The following RASSF1 variants were observed in gnomAD, a reference collection of about 807,000 sequenced individuals.
The protein encoded by RASSF1 is ras association domain-containing protein 1.
In RASSF1, 33 loss-of-function variants were observed where a neutral mutation model predicts 34.3. The ratio of observed to expected loss-of-function variants is 0.96; its 90% confidence interval spans 0.73 to 1.29. RASSF1 has a LOEUF of 1.29. RASSF1 is among the 50% of genes most tolerant of loss of function. RASSF1 has a pLI of 0.00. For missense variants in RASSF1, 445 were observed against 471.8 expected (o/e 0.94, Z 0.53); for synonymous variants, 191 against 195.0 (o/e 0.98, Z 0.17).
intron 2 of RASSF1, chr3:50,337,441 C>G (rs779759216): frequency 6.3e-7 from 1 of 1,578,738 alleles, no homozygotes; most frequent in Non-Finnish European, 8.6e-7. Context: ...GCGCCGCAAC[C>G]GTTAAGACTG....
At chr3:50,337,103 A>C in intron 2 of RASSF1, 1 of 1,476,812 alleles carries the variant, frequency 6.8e-7, no homozygotes, top group Non-Finnish European at 9.0e-7. Context: ...AGGACGCGGC[A>C]ACGGACCGGG....
At chr3:50,336,114 A>G (rs989613713) in intron 2 of RASSF1, among the ~76,000 whole-genome samples, 6 of 152,192 alleles carry the variant, frequency 3.9e-5, no homozygotes, top group Non-Finnish European at 5.9e-5. Context: ...ACCTTTCCAC[A>G]GTGGAAAATG....
chr3:50,340,470 C>T lies in RASSF1; in HGVS notation c.250+86G>A. 6.6e-6 allele frequency: 9 copies of T among 1,373,364 alleles called. No homozygotes were observed. The South Asian group carries it at 1.5e-4, about 22-fold the overall frequency. 85.1% of individuals were successfully genotyped at this position (1,373,364 alleles called of 1,614,324 possible). The stretch of plus-strand genomic sequence containing the variant: ...TCCTCGGGAGCTGTCCCCGCCGACC[C>T]CCTCTGCCGCGACTTGACCCGCGGC... On this transcript the variant is annotated intron_variant, in intron 1 of 5. Coordinates refer to ENST00000359365, the MANE Select transcript of RASSF1 (RefSeq NM_007182.5).
chr3:50,331,720 C>A lies in RASSF1; in HGVS notation c.599G>T (p.Arg200Leu), dbSNP rs761354693. ...CTTGGGCAGGTAAAAGGAAGTGCGG[C>A]GCCTGACACTTGTGCCCCGTCCTGG... ...RGPGRGTSVR[R>L]RTSFYLPKDA... Residue 200 changes from arginine to leucine, a missense_variant, in exon 4 of 6, where the codon CGC becomes CTC. Arg to Leu is a moderately radical substitution (Grantham distance 102). Coordinates refer to ENST00000359365, the MANE Select transcript of RASSF1 (RefSeq NM_007182.5). 1 of 1,613,106 alleles carries A rather than the reference C, an allele frequency of 6.2e-7. No homozygotes were observed. The highest frequency in any genetic ancestry group is 8.5e-7 in the Non-Finnish European group (1 of 1,179,428).
intron 2 of RASSF1, chr3:50,337,019 G>T: frequency 9.1e-7 from 1 of 1,096,266 alleles, no homozygotes; most frequent in Non-Finnish European, 1.3e-6. Context: ...CTTACGCACG[G>T]TTCCGCGGGC....
chr3:50,332,604 A>G (rs2109338781), intron 2 of RASSF1, among the ~76,000 whole-genome samples: 1 of 152,088 alleles, frequency 6.6e-6, no homozygotes, highest in East Asian at 1.9e-4. Context: ...CTTGGGCAAC[A>G]TAGCAAGACC....
At chr3:50,336,958 C>G in intron 2 of RASSF1, 2 of 645,746 alleles carry the variant, frequency 3.1e-6, no homozygotes, top group Non-Finnish European at 5.1e-6. Flanking sequence ...CTGTCTGTGA[C>G]AGAAACCAAG....
intron 2 of RASSF1, chr3:50,337,140 C>T (rs770335481): frequency 6.4e-7 from 1 of 1,574,420 alleles, no homozygotes; most frequent in Non-Finnish European, 8.6e-7. Flanking sequence ...CGACCGCTTC[C>T]CCTCCCGCCC....
chr3:50,335,708 C>A (rs1028378696), intron 2 of RASSF1, among the ~76,000 whole-genome samples: 1 of 150,930 alleles, frequency 6.6e-6, no homozygotes, highest in Non-Finnish European at 1.5e-5. Context: ...CTTTGCCTCC[C>A]GGTTGAAGTG....
rs145937458 is a variant in RASSF1 at position 50,336,923 on chromosome 3, T to C, written c.357+982A>G. The C allele has an allele frequency of 8.9e-4, 497 of 560,578 alleles. 2 individuals carry two copies. The African/African-American group carries it at 9.1e-3, about 10-fold the overall frequency. The allele number at this position is 560,578 out of a possible 1,614,324, so 34.7% of individuals were successfully genotyped here. ...CCCGGCTCAGGTCTACCACAAGCCA[T>C]ACAGCTGCTTTTTCCGTGTTCAACC... is the stretch of plus-strand genomic sequence containing the variant. On this transcript the variant is annotated intron_variant, in intron 2 of 5. Transcript: ENST00000359365.
At chr3:50,332,257 C>T in intron 2 of RASSF1, 103 bp from the exon 3 acceptor site, 1 of 933,414 alleles carries the variant, frequency 1.1e-6, no homozygotes, top group Non-Finnish European at 1.7e-6. Context: ...CCTTTGGCCC[C>T]CTGTCCCTGA....
chr3:50,340,735 G>A lies in RASSF1; in HGVS notation c.71C>T (p.Thr24Ile). Residue 24 changes from threonine to isoleucine, a missense_variant, in exon 1 of 6, where the codon ACC becomes ATC. Physicochemically the swap from Thr to Ile is moderately conservative, Grantham distance 89. Coordinates refer to ENST00000359365, the MANE Select transcript of RASSF1 (RefSeq NM_007182.5). The part of the protein sequence containing the change: ...APAGRAGKGR[T>I]RLERANALRI... ...CAGCGCGTTGGCACGCTCCAGCCGG[G>A]TGCGGCCCTTCCCAGCGCGCCCAGC... 6.6e-7 allele frequency: 1 copy of A among 1,517,160 alleles called. No homozygotes were observed. Among genetic ancestry groups the A allele is most frequent in the Non-Finnish European group, 8.8e-7 (1 of 1,142,202 alleles). 94.0% of individuals were successfully genotyped at this position (1,517,160 alleles called of 1,614,324 possible). A position where few individuals can be genotyped will look rare whatever the true frequency, so the allele number is the denominator to read the frequency against.
At chr3:50,332,183 G>C in intron 2 of RASSF1, 29 bp from the exon 3 acceptor site, 1 of 1,600,730 alleles carries the variant, frequency 6.2e-7, no homozygotes, top group Non-Finnish European at 8.6e-7. Context: ...TGGACACAGG[G>C]CCCTTGAGGA....
chr3:50,329,961 T>C lies in RASSF1; in HGVS notation c.*620A>G, dbSNP rs2109334025. On this transcript the variant is annotated 3_prime_UTR_variant, in exon 6 of 6. Coordinates refer to ENST00000359365, the MANE Select transcript of RASSF1 (RefSeq NM_007182.5). The stretch of plus-strand genomic sequence containing the variant: ...AGAGACCCTGGCTTTGATTAGCAAA[T>C]AAGGTATGAACCTGGGCCAGTGCCC... 6.5e-6 allele frequency: 1 copy of C among 152,696 alleles called. No individual in the cohort carries two copies. The highest frequency in any genetic ancestry group is 6.5e-5 in the Admixed American group (1 of 15,288). 9.5% of individuals were successfully genotyped at this position (152,696 alleles called of 1,614,324 possible).
chr3:50,339,979 C>G (rs1009933833), intron 1 of RASSF1, among the ~76,000 whole-genome samples: 2 of 152,186 alleles, frequency 1.3e-5, no homozygotes, highest in African/African-American at 4.8e-5. Context: ...GGTGTCTACC[C>G]AGGGGAGAGC....
rs1443881036 is a variant in RASSF1 at position 50,330,248 on chromosome 3, T to C, written c.*333A>G. The C allele has an allele frequency of 7.3e-6, 2 of 272,876 alleles. No homozygotes were observed. The highest frequency in any genetic ancestry group is 1.4e-5 in the Non-Finnish European group (2 of 141,680). The allele number at this position is 272,876 out of a possible 1,614,324, so 16.9% of individuals were successfully genotyped here. On this transcript the variant is annotated 3_prime_UTR_variant, in exon 6 of 6. Coordinates refer to ENST00000359365, the MANE Select transcript of RASSF1 (RefSeq NM_007182.5). This position sits in a 1 kb window ranked among gnomAD's most constrained non-coding sequence, Gnocchi z 4.5. ...CACCCCTGCAAACATGACCCTGTTC[T>C]GTTTGCAGGGTCTCCAAGATTTTCA...
At chr3:50,331,924 G>A (rs1210444033) in intron 3 of RASSF1, 68 bp from the exon 4 acceptor site, 3 of 1,553,848 alleles carry the variant, frequency 1.9e-6, no homozygotes, top group African/African-American at 1.4e-5. Flanking sequence ...CTTGGGGCTA[G>A]GCTGGGTATG....
intron 1 of RASSF1, among the ~76,000 whole-genome samples, chr3:50,340,136 C>T (rs1703308734): frequency 6.6e-6 from 1 of 152,112 alleles, no homozygotes; most frequent in African/African-American, 2.4e-5. Flanking sequence ...AGGGGGCCCA[C>T]CAAAGGTTCT....
intron 2 of RASSF1, among the ~76,000 whole-genome samples, chr3:50,333,583 T>C (rs1703019907): frequency 6.6e-6 from 1 of 152,024 alleles, no homozygotes; most frequent in Non-Finnish European, 1.5e-5. Flanking sequence ...TTCAAGCGAT[T>C]CTCCTGCCTC....
Sources: gnomAD v4.1 joint callset for allele counts (sites outside exome capture counted in the v4.1 genomes callset) on GRCh38, gnomAD v4.1.1 for gene constraint, Gnocchi (gnomAD v3.1) non-coding constraint, MANE v1.5 for transcripts, NCBI Gene and HGNC (gene_info 2026-07-23, HGNC 2026-07-21) for gene names.